TMEM233: variants seen among roughly 807,000 people sequenced by gnomAD.
TMEM233 encodes the protein transmembrane protein 233.
A neutral mutation model predicts 11.2 loss-of-function variants in TMEM233; 6 were observed. The ratio of observed to expected loss-of-function variants is 0.54; its 90% confidence interval spans 0.29 to 1.06. TMEM233 has a LOEUF of 1.06. Ranked by LOEUF, TMEM233 falls within the 50% of genes least tolerant of loss-of-function variation. The pLI, the probability that TMEM233 is intolerant of heterozygous loss-of-function variation, is 0.08. For synonymous variants in TMEM233, 59 were observed against 55.8 expected (o/e 1.06, Z -0.26); for missense variants, 127 against 144.7 (o/e 0.88, Z 0.63).
Position 119,594,889 on chromosome 12 carries a change from CTT to C in TMEM233, c.186+856_186+857del, listed in dbSNP as rs1464622887. On this transcript the variant is annotated intron_variant, in intron 1 of 2. Transcript: ENST00000426426. This position sits in a 1 kb window ranked among gnomAD's most constrained non-coding sequence, Gnocchi z 5.6. ...TTGCTGCGCACTGGCCCTAACCTCT[CTT>C]CTCTTGGTGTCCCCCAGAGCTCCCA... 1.3e-5 allele frequency among the ~76,000 whole-genome samples: 2 copies of C among 152,126 alleles called. No homozygotes were observed. Among genetic ancestry groups the C allele is most frequent in the African/African-American group, 4.8e-5 (2 of 41,448 alleles).
chr12:119,647,530 A>G (rs1955169614), downstream of TMEM233, among the ~76,000 whole-genome samples: 1 of 152,198 alleles, frequency 6.6e-6, no homozygotes, highest in South Asian at 2.1e-4. Context: ...CTCTAGTGCC[A>G]GCGAGTCTGT....
At chr12:119,605,721 A>C (rs1954267551) in intron 1 of TMEM233, among the ~76,000 whole-genome samples, 1 of 151,964 alleles carries the variant, frequency 6.6e-6, no homozygotes, top group South Asian at 2.1e-4. Flanking sequence ...GAGCCACAAC[A>C]TCTGGCCCTG....
At chr12:119,651,440 C>G in the TMEM233 span, among the ~76,000 whole-genome samples, 2 of 152,106 alleles carry the variant, frequency 1.3e-5, no homozygotes, top group African/African-American at 4.8e-5. Context: ...TTCCTGAACC[C>G]AGTGCTCCAG....
In TMEM233 at chr12:119,625,519, G is replaced by A. The variant is rs1048804569; in HGVS notation, c.187-4217G>A. Among the ~76,000 whole-genome samples the A allele has an allele frequency of 9.2e-5, 14 of 152,042 alleles. 1 individual carries two copies. Among genetic ancestry groups the A allele is most frequent in the South Asian group, 6.3e-4 (3 of 4,792 alleles). On this transcript the variant is annotated intron_variant, in intron 1 of 2. Transcript: ENST00000426426. ...TGAGAAACTTAGACTACAGGTGTGCGCATACATAACTTTTAAATAAATATT... is the reference window on the plus strand; with the variant it reads ...TGAGAAACTTAGACTACAGGTGTGCACATACATAACTTTTAAATAAATATT...
chr12:119,623,553 CAAAA>C (rs57936432), intron 1 of TMEM233, among the ~76,000 whole-genome samples: 1 of 135,722 alleles, frequency 7.4e-6, no homozygotes. Context: ...ACCAAAAATA[CAAAA>C]AAAAAAAAAA....
chr12:119,651,720 G>T, the TMEM233 span, among the ~76,000 whole-genome samples: 1 of 151,018 alleles, frequency 6.6e-6, no homozygotes, highest in Non-Finnish European at 1.5e-5. Flanking sequence ...CCAGCTACTC[G>T]GGAGGCTGAG....
chr12:119,629,679 C>T, intron 1 of TMEM233, 57 bp from the exon 2 acceptor site: 1 of 1,503,820 alleles, frequency 6.6e-7, no homozygotes, highest in Non-Finnish European at 8.9e-7. Flanking sequence ...CTGAGGACCT[C>T]CATCCCTTTC....
At chr12:119,648,740 T>C in the TMEM233 span, among the ~76,000 whole-genome samples, 1 of 152,180 alleles carries the variant, frequency 6.6e-6, no homozygotes, top group Non-Finnish European at 1.5e-5. Context: ...AATAGTTATT[T>C]AATGAATGAA....
rs71072545 is a variant in TMEM233 at position 119,625,367 on chromosome 12, C to CTTCTTTTTT, written c.187-4367_187-4366insCTTTTTTTT. 2.7e-5 allele frequency among the ~76,000 whole-genome samples: 4 copies of CTTCTTTTTT among 145,590 alleles called. 1 individual carries two copies. The highest frequency in any genetic ancestry group is 4.5e-5 in the Non-Finnish European group (3 of 66,444). On this transcript the variant is annotated intron_variant, in intron 1 of 2. Coordinates refer to ENST00000426426, the MANE Select transcript of TMEM233 (RefSeq NM_001136534.3). ...GGAGTCCTTCTGTACATAACTTCTT[C>CTTCTTTTTT]TTTTTTTTTTTTTTTCCTTTGATAC...
chr12:119,652,734 G>A, the TMEM233 span, among the ~76,000 whole-genome samples: 122,402 of 152,154 alleles, frequency 0.8, 49,514 homozygotes, highest in African/African-American at 0.87. Context: ...TGTGAAGCCC[G>A]ACAGAAAACA....
intron 1 of TMEM233, among the ~76,000 whole-genome samples, chr12:119,609,693 G>T (rs988558425): frequency 6.6e-6 from 1 of 152,230 alleles, no homozygotes; most frequent in Non-Finnish European, 1.5e-5. Context: ...AAGCCTTGGG[G>T]GCTCCCACAT....
chr12:119,645,026 G>C (rs1955133398), downstream of TMEM233, among the ~76,000 whole-genome samples: 2 of 152,172 alleles, frequency 1.3e-5, no homozygotes. Flanking sequence ...CACTTTGCAG[G>C]AGAACACACT....
Position 119,642,381 on chromosome 12 carries a change from A to C in TMEM233, c.*1676A>C, listed in dbSNP as rs912417434. The C allele has an allele frequency of 1.3e-5, 2 of 151,980 alleles. No homozygotes were observed. The highest frequency in any genetic ancestry group is 4.8e-5 in the African/African-American group (2 of 41,370). 9.4% of individuals were successfully genotyped at this position (151,980 alleles called of 1,614,324 possible). Reference sequence around the variant, plus strand: ...AGAATCACTTGAATCCAGAAGGCGGAGGTTGCCGTGAGCTGAGACTGTGCC... The same window carrying C: ...AGAATCACTTGAATCCAGAAGGCGGCGGTTGCCGTGAGCTGAGACTGTGCC... On this transcript the variant is annotated 3_prime_UTR_variant, in exon 3 of 3. Coordinates refer to ENST00000426426, the MANE Select transcript of TMEM233 (RefSeq NM_001136534.3).
chr12:119,645,357 C>T (rs1955137164), downstream of TMEM233, among the ~76,000 whole-genome samples: 1 of 128,518 alleles, frequency 7.8e-6, no homozygotes, highest in African/African-American at 2.9e-5. Context: ...AGATAACGTT[C>T]ATACTCATGG....
At chr12:119,596,977 T>C (rs758483116) in intron 1 of TMEM233, among the ~76,000 whole-genome samples, 1 of 152,216 alleles carries the variant, frequency 6.6e-6, no homozygotes, top group Non-Finnish European at 1.5e-5. Context: ...GGAGATATCA[T>C]GTTACATATA....
intron 1 of TMEM233, among the ~76,000 whole-genome samples, chr12:119,610,650 G>A (rs60263061): frequency 0.014 from 2,187 of 152,194 alleles, 38 homozygotes; most frequent in African/African-American, 0.045. Flanking sequence ...CAATTCACTT[G>A]GCACTCATTC....
rs1216823211 is a variant in TMEM233 at position 119,593,823 on chromosome 12, C to G, written c.-26C>G. Reference sequence around the variant, plus strand: ...ACCACACAGACCGTGCGCTCCTCCGCCCTCCCGGCGCCGCCGGCCTCGCCC... The same window carrying G: ...ACCACACAGACCGTGCGCTCCTCCGGCCTCCCGGCGCCGCCGGCCTCGCCC... On this transcript the variant is annotated 5_prime_UTR_variant, in exon 1 of 3. Coordinates refer to ENST00000426426, the MANE Select transcript of TMEM233 (RefSeq NM_001136534.3). This position sits in a 1 kb window ranked among gnomAD's most constrained non-coding sequence, Gnocchi z 4.1. 9 of 1,548,520 alleles carry G rather than the reference C, an allele frequency of 5.8e-6. No homozygotes were observed. The highest frequency in any genetic ancestry group is 7.9e-6 in the Non-Finnish European group (9 of 1,144,972).
Position 119,641,067 on chromosome 12 carries a change from G to T in TMEM233, c.*362G>T. On this transcript the variant is annotated 3_prime_UTR_variant, in exon 3 of 3. Transcript: ENST00000426426. ...AACTTTTCACTGAGGGGATCCAGGGGGTCTCCATATAGGGGGAGATGGAGG... is the reference window on the plus strand; with the variant it reads ...AACTTTTCACTGAGGGGATCCAGGGTGTCTCCATATAGGGGGAGATGGAGG... 1 of 249,384 alleles carries T rather than the reference G, an allele frequency of 4.0e-6. No homozygotes were observed. Among genetic ancestry groups the T allele is most frequent in the East Asian group, 8.0e-5 (1 of 12,536 alleles). The allele number at this position is 249,384 out of a possible 1,614,324, so 15.4% of individuals were successfully genotyped here. A position where few individuals can be genotyped will look rare whatever the true frequency, so the allele number is the denominator to read the frequency against.
At chr12:119,628,057 T>C (rs1051151991) in intron 1 of TMEM233, among the ~76,000 whole-genome samples, 5 of 152,242 alleles carry the variant, frequency 3.3e-5, no homozygotes, top group African/African-American at 1.2e-4. Context: ...CTCAACACGC[T>C]ACCTATGGGG....
Sources: gnomAD v4.1 joint callset for allele counts (sites outside exome capture counted in the v4.1 genomes callset) on GRCh38, gnomAD v4.1.1 for gene constraint, Gnocchi (gnomAD v3.1) non-coding constraint, MANE v1.5 for transcripts, NCBI Gene and HGNC (gene_info 2026-07-23, HGNC 2026-07-21) for gene names.